LIN7C: variants seen among roughly 807,000 people sequenced by gnomAD.
LIN7C encodes the protein lin-7 cell polarity scaffold C.
A neutral mutation model predicts 24.7 loss-of-function variants in LIN7C; 17 were observed. The observed-to-expected ratio is 0.69, with a 90% CI of 0.47 to 1.03. The LOEUF (loss-of-function observed/expected upper bound fraction) is 1.03, where lower values mean the gene tolerates loss of function less well. Ranked by LOEUF, LIN7C falls within the 50% of genes least tolerant of loss-of-function variation. The pLI is 0.00. For synonymous variants in LIN7C, 90 were observed against 83.4 expected (o/e 1.08, Z -0.43); for missense variants, 204 against 239.0 (o/e 0.85, Z 0.97).
Position 27,498,677 on chromosome 11 carries a change from C to T in LIN7C, c.566G>A (p.Arg189Lys). The T allele has an allele frequency of 6.2e-7, 1 of 1,613,946 alleles. No homozygotes were observed. Among genetic ancestry groups the T allele is most frequent in the South Asian group, 1.1e-5 (1 of 91,056 alleles). The change falls in exon 5 of 5, where the codon AGA becomes AAA. Residue 189 changes from arginine to lysine, a missense_variant. Physicochemically the swap from Arg to Lys is conservative, Grantham distance 26. This residue lies in a region of LIN7C where 74 missense variants were observed against 99.6 expected (regional missense o/e 0.74). Transcript: ENST00000278193. Reference sequence around the variant, plus strand: ...GGTCTGTTGCCTGCGTTTTGCTGATCTCATTTTTTCAAAGCGCGACTCCAT... The same window carrying T: ...GGTCTGTTGCCTGCGTTTTGCTGATTTCATTTTTTCAAAGCGCGACTCCAT... ...EEMESRFEKM[R>K]SAKRRQQT
Position 27,501,516 on chromosome 11 carries a change from C to T in LIN7C, c.207G>A (p.Val69=). The T allele has an allele frequency of 6.3e-7, 1 of 1,589,494 alleles. No homozygotes were observed. The highest frequency in any genetic ancestry group is 8.5e-7 in the Non-Finnish European group (1 of 1,171,296). ...ETVDISSSPE[V]RANATAKATV... Reference sequence around the variant, plus strand: ...TTACCTTTGCAGTAGCGTTCGCTCTCACTTCAGGACTGCTACTGATGTCCA... The same window carrying T: ...TTACCTTTGCAGTAGCGTTCGCTCTTACTTCAGGACTGCTACTGATGTCCA... The change falls in exon 3 of 5, where the codon GTG becomes GTA. Residue 69 remains valine, a synonymous_variant. Transcript: ENST00000278193.
intron 1 of LIN7C, among the ~76,000 whole-genome samples, chr11:27,503,371 T>C (rs1012230740): frequency 3.3e-5 from 5 of 152,216 alleles, no homozygotes; most frequent in African/African-American, 1.2e-4. Context: ...CCCAGTATTC[T>C]ATTATTGCTT....
rs1232998775 is a variant in LIN7C at position 27,494,958 on chromosome 11, C to G, written c.*3691G>C. ...CTAGAATCCTTGATATTTCAATGAT[C>G]ATTCCACATTATAAAATATTCACAA... On this transcript the variant is annotated 3_prime_UTR_variant, in exon 5 of 5. Coordinates refer to ENST00000278193, the MANE Select transcript of LIN7C (RefSeq NM_018362.4). 1.3e-5 allele frequency: 2 copies of G among 152,728 alleles called. No homozygotes were observed. Among genetic ancestry groups the G allele is most frequent in the East Asian group, 3.9e-4 (2 of 5,184 alleles). 9.5% of individuals were successfully genotyped at this position (152,728 alleles called of 1,614,324 possible).
intron 1 of LIN7C, among the ~76,000 whole-genome samples, chr11:27,503,155 A>C (rs1056902953): frequency 5.3e-5 from 8 of 152,092 alleles, no homozygotes; most frequent in Admixed American, 2.0e-4. Context: ...AACAAACAAA[A>C]AAAACCCTAA....
At position 27,498,595 on chromosome 11, in the gene LIN7C, A is replaced by C; in HGVS notation, c.*54T>G. On this transcript the variant is annotated 3_prime_UTR_variant, in exon 5 of 5. Coordinates refer to ENST00000278193, the MANE Select transcript of LIN7C (RefSeq NM_018362.4). ...GGCATTGCAGCCATTAGTAAGTCAC[A>C]AGGAAAACTTCTCTAGCTAAAACGC... The C allele has an allele frequency of 6.5e-7, 1 of 1,545,046 alleles. No homozygotes were observed. Among genetic ancestry groups the C allele is most frequent in the Non-Finnish European group, 8.8e-7 (1 of 1,130,704 alleles).
intron 4 of LIN7C, 98 bp downstream of exon 4, chr11:27,499,261 T>G: frequency 1.0e-6 from 1 of 970,868 alleles, no homozygotes; most frequent in Non-Finnish European, 1.6e-6. Context: ...CTCAAGGCAT[T>G]TCTAAACCAC....
intron 1 of LIN7C, among the ~76,000 whole-genome samples, chr11:27,503,175 T>C (rs965645534): frequency 6.6e-5 from 10 of 152,168 alleles, no homozygotes; most frequent in African/African-American, 2.2e-4. Context: ...AGAGGTTGTA[T>C]ACATTTATAC....
rs1247559067 is a variant in LIN7C at position 27,501,576 on chromosome 11, CCA to C, written c.157-12_157-11del. ...AGACATGTTCATATACCTGTAAAAG[CCA>C]AAGTTATATCTCAGAATATACCATG... On this transcript the variant is annotated splice_polypyrimidine_tract_variant and intron_variant, in intron 2 of 4. Transcript: ENST00000278193. The C allele has an allele frequency of 6.5e-7, 1 of 1,545,516 alleles. No individual in the cohort carries two copies. The highest frequency in any genetic ancestry group is 2.0e-5 in the Admixed American group (1 of 50,778).
rs888702642 is a variant in LIN7C, at chr11:27,497,272, T to C, written c.*1377A>G. ...ATGTTACAAAATGCCCACTTTTTTA[T>C]ATAGGGTCAATATGCCAAATTACTT... is the stretch of plus-strand genomic sequence containing the variant. On this transcript the variant is annotated 3_prime_UTR_variant, in exon 5 of 5. Transcript: ENST00000278193. 1.4e-4 allele frequency: 21 copies of C among 152,728 alleles called. No individual in the cohort carries two copies. Among genetic ancestry groups the C allele is most frequent in the African/African-American group, 4.3e-4 (18 of 41,588 alleles). 9.5% of individuals were successfully genotyped at this position (152,728 alleles called of 1,614,324 possible).
In LIN7C at chr11:27,498,756, C is replaced by A. The variant is rs766145158; in HGVS notation, c.487G>T (p.Ala163Ser). 3.1e-6 allele frequency: 5 copies of A among 1,613,660 alleles called. No individual in the cohort carries two copies. The highest frequency in any genetic ancestry group is 1.3e-5 in the African/African-American group (1 of 74,854). The change falls in exon 5 of 5, where the codon GCA becomes TCA. Residue 163 changes from alanine (A) to serine (S), a missense_variant. Transcript: ENST00000278193. ...HEKAVELLKA[A>S]QGKVKLVVRY... is the part of the protein sequence containing the mutation. ...ACCACTAATTTAACCTTTCCTTGTG[C>A]GGCTTTCAGCAGTTCTACAGCTTTT... is the stretch of plus-strand genomic sequence containing the variant.
chr11:27,499,892 G>A (rs555448558), intron 3 of LIN7C, among the ~76,000 whole-genome samples: 3 of 152,286 alleles, frequency 2.0e-5, no homozygotes, highest in East Asian at 1.9e-4. Flanking sequence ...CTCCCAAAGT[G>A]CTGGGATTAC....
rs1865226452 is a variant in LIN7C, at chr11:27,501,553, A to G, written c.170T>C (p.Val57Ala). ...CNAVREVYEH[V>A]YETVDISSSP... is the part of the protein sequence containing the mutation. ...GCTACTGATGTCCACAGTCTCATAG[A>G]CATGTTCATATACCTGTAAAAGCCA... The change falls in exon 3 of 5, where the codon GTC becomes GCC. Residue 57 changes from valine to alanine, a missense_variant. This residue lies in a region of LIN7C where 126 missense variants were observed against 117.8 expected (regional missense o/e 1.07). Transcript: ENST00000278193. 1.9e-6 allele frequency: 3 copies of G among 1,600,454 alleles called. No individual in the cohort carries two copies. The highest frequency in any genetic ancestry group is 1.7e-6 in the Non-Finnish European group (2 of 1,174,408).
chr11:27,506,565 G>T, intron 1 of LIN7C, 151 bp downstream of exon 1: 1 of 805,174 alleles, frequency 1.2e-6, no homozygotes, highest in Non-Finnish European at 2.1e-6. Context: ...CCTTCCTAGA[G>T]CCAGGCACAG....
intron 3 of LIN7C, among the ~76,000 whole-genome samples, chr11:27,500,706 GA>G (rs1865216441): frequency 6.6e-6 from 1 of 152,058 alleles, no homozygotes; most frequent in Non-Finnish European, 1.5e-5. Context: ...TCGAAGCTCT[GA>G]AAAAGGCCTC....
chr11:27,504,048 C>T (rs1865249631), intron 1 of LIN7C, among the ~76,000 whole-genome samples: 1 of 152,006 alleles, frequency 6.6e-6, no homozygotes, highest in Non-Finnish European at 1.5e-5. Flanking sequence ...AAACTCCTGA[C>T]CTCAAGTGAT....
In LIN7C at chr11:27,497,598, C is replaced by A. The variant is rs1590439308; in HGVS notation, c.*1051G>T. 6.6e-6 allele frequency: 1 copy of A among 152,490 alleles called. No homozygotes were observed. Among genetic ancestry groups the A allele is most frequent in the Non-Finnish European group, 1.5e-5 (1 of 67,956 alleles). 9.4% of individuals were successfully genotyped at this position (152,490 alleles called of 1,614,324 possible). A position where few individuals can be genotyped will look rare whatever the true frequency, so the allele number is the denominator to read the frequency against. ...ACAGATTCTCATGAATACTTCACAT[C>A]ATAATTTCTATGTATCTTAAATATA... On this transcript the variant is annotated 3_prime_UTR_variant, in exon 5 of 5. Coordinates refer to ENST00000278193, the MANE Select transcript of LIN7C (RefSeq NM_018362.4).
At chr11:27,502,358 T>C (rs1192473136) in intron 1 of LIN7C, among the ~76,000 whole-genome samples, 1 of 152,124 alleles carries the variant, frequency 6.6e-6, no homozygotes, top group Admixed American at 6.5e-5. Context: ...CACTGAACAG[T>C]ACAAGGCACT....
intron 1 of LIN7C, 140 bp downstream of exon 1, chr11:27,506,576 A>C (rs1220836774): frequency 5.7e-6 from 5 of 879,140 alleles, no homozygotes; most frequent in Non-Finnish European, 9.1e-6. Context: ...CCAGGCACAG[A>C]GACAACGGCG....
chr11:27,501,614 C>A (rs193060268), intron 2 of LIN7C, 48 bp from the exon 3 acceptor site: 1 of 302,100 alleles, frequency 3.3e-6, no homozygotes, highest in South Asian at 5.3e-5. Context: ...CTTGAGTTCT[C>A]TGTGAAGTTA....
Sources: gnomAD v4.1 joint callset for allele counts (sites outside exome capture counted in the v4.1 genomes callset) on GRCh38, gnomAD v4.1.1 for gene constraint, gnomAD v4.1.1 regional missense constraint, MANE v1.5 for transcripts, NCBI Gene and HGNC (gene_info 2026-07-23, HGNC 2026-07-21) for gene names.